PAK3: variants seen among roughly 807,000 people sequenced by gnomAD.
PAK3 encodes p21 (RAC1) activated kinase 3.
PAK3 carries 4 observed loss-of-function variants against 41.0 expected under a neutral mutation model. The observed-to-expected ratio is 0.10, with a 90% CI of 0.05 to 0.22. PAK3 has a LOEUF of 0.22. Among genes scored for constraint, PAK3 ranks in the 10% least tolerant of loss-of-function variants. PAK3 has a pLI of 1.00. For missense variants in PAK3, 205 were observed against 409.9 expected, an observed-to-expected ratio of 0.50 and a Z score of 4.32; for synonymous variants, 146 against 139.6, an observed-to-expected ratio of 1.05 and a Z score of -0.32.
chrX:110,962,685 C>A (rs1056478298), intron 1 of PAK3, among the ~76,000 whole-genome samples: 1 of 112,629 alleles, frequency 8.9e-6, no homozygotes, highest in African/African-American at 3.2e-5. Context: ...AGCCGCCAAG[C>A]CTCTAATTTA....
intron 1 of PAK3, among the ~76,000 whole-genome samples, chrX:110,966,737 G>A (rs2091090310): frequency 9.0e-6 from 1 of 111,133 alleles, no homozygotes; most frequent in Non-Finnish European, 1.9e-5. Context: ...AGACTGGAAG[G>A]AAGTATTCCA....
At chrX:111,155,939 C>T (rs2094102400) in intron 8 of PAK3, among the ~76,000 whole-genome samples, 1 of 111,981 alleles carries the variant, frequency 8.9e-6, no homozygotes. Flanking sequence ...CTAAATGGTA[C>T]TCCAAGGAAT....
chrX:111,055,965 T>C (rs190521673), intron 1 of PAK3, among the ~76,000 whole-genome samples: 96 of 111,448 alleles, frequency 8.6e-4, no homozygotes, highest in Admixed American at 1.4e-3. Context: ...TGCCCCTTTC[T>C]TCTTTCCCAT....
intron 1 of PAK3, among the ~76,000 whole-genome samples, chrX:111,006,356 G>A (rs1179161006): frequency 8.9e-6 from 1 of 111,760 alleles, no homozygotes; most frequent in Non-Finnish European, 1.9e-5. Context: ...ATGCACTAAA[G>A]TATCTAGCGG....
At chrX:111,094,065 A>G (rs958154070), upstream of PAK3, among the ~76,000 whole-genome samples, 10 of 110,652 alleles carry the variant, frequency 9.0e-5, no homozygotes, top group African/African-American at 3.3e-4. Context: ...GAAAAAAACC[A>G]GTGGGATGTG....
At chrX:111,043,011 A>C (rs999459248) in intron 1 of PAK3, among the ~76,000 whole-genome samples, 1 of 111,837 alleles carries the variant, frequency 8.9e-6, no homozygotes, top group African/African-American at 3.3e-5. Flanking sequence ...GCTGAAGGCC[A>C]GGGGTGGTGG....
intron 1 of PAK3, among the ~76,000 whole-genome samples, chrX:111,074,280 G>A (rs1002844566): frequency 1.8e-5 from 2 of 111,474 alleles, no homozygotes; most frequent in Non-Finnish European, 3.8e-5. Context: ...CTGTTGGGAG[G>A]TTATTGGATC....
At chrX:111,144,450 T>C (rs1296807612) in intron 6 of PAK3, among the ~76,000 whole-genome samples, 3 of 111,896 alleles carry the variant, frequency 2.7e-5, no homozygotes, top group Non-Finnish European at 5.7e-5. Flanking sequence ...ACTATATTAT[T>C]ATGTTTATTA....
intron 14 of PAK3, among the ~76,000 whole-genome samples, chrX:111,194,891 A>G (rs2094597002): frequency 1.8e-5 from 2 of 112,535 alleles, no homozygotes; most frequent in Admixed American, 9.4e-5. Flanking sequence ...TACAATCTGA[A>G]CTTCCCTTAC....
At chrX:110,991,507 A>C (rs1021712506) in intron 1 of PAK3, among the ~76,000 whole-genome samples, 2 of 111,765 alleles carry the variant, frequency 1.8e-5, no homozygotes, top group African/African-American at 6.5e-5. Context: ...AGTAGTGCCA[A>C]CTGAAAAGGG....
chrX:111,031,308 T>C (rs1262071934), intron 1 of PAK3, among the ~76,000 whole-genome samples: 1 of 111,181 alleles, frequency 9.0e-6, no homozygotes, highest in Non-Finnish European at 1.9e-5. Context: ...AGGCTTTGTA[T>C]GGGAAAGAGG....
rs768113829 is a variant in PAK3 at position 110,995,716 on chromosome X, C to A, written c.-28+51088C>A. ...TATTTCCTTCCCATGGCCTAGAAGACCCTGAATAATCTGGCTCCTGTGCAT... is the reference window on the plus strand; with the variant it reads ...TATTTCCTTCCCATGGCCTAGAAGAACCTGAATAATCTGGCTCCTGTGCAT... On this transcript the variant is annotated intron_variant, in intron 1 of 14. Transcript: ENST00000425146. Among the ~76,000 whole-genome samples the A allele has an allele frequency of 2.7e-5, 3 of 111,350 alleles. No individual in the cohort carries two copies. In the South Asian group the frequency reaches 1.1e-3, roughly 42 times the overall value.
intron 16 of PAK3, among the ~76,000 whole-genome samples, chrX:111,215,941 C>G (rs1396999060): frequency 8.9e-6 from 1 of 112,167 alleles, no homozygotes; most frequent in South Asian, 3.7e-4. Context: ...ATAATGTACT[C>G]TCTTCATTCC....
At chrX:111,179,133 A>G (rs1374012061) in intron 11 of PAK3, among the ~76,000 whole-genome samples, 1 of 108,602 alleles carries the variant, frequency 9.2e-6, no homozygotes, top group African/African-American at 3.3e-5. Context: ...CTACTCTCAT[A>G]TTTCACGAGT....
intron 3 of PAK3, among the ~76,000 whole-genome samples, chrX:111,097,922 G>T (rs941667933): frequency 1.8e-5 from 2 of 111,382 alleles, no homozygotes; most frequent in Non-Finnish European, 3.8e-5. Context: ...GAGGTAGCCT[G>T]GGCAAGAGCT....
chrX:111,084,622 G>A (rs1010593838), intron 1 of PAK3, among the ~76,000 whole-genome samples: 11 of 111,786 alleles, frequency 9.8e-5, no homozygotes, highest in Admixed American at 1.9e-4. Context: ...GATGTGGATG[G>A]ATGACACCCA....
chrX:111,122,056 C>T (rs1222596342), intron 4 of PAK3, among the ~76,000 whole-genome samples: 1 of 108,684 alleles, frequency 9.2e-6, no homozygotes, highest in Non-Finnish European at 1.9e-5. Context: ...AGATCAAGAC[C>T]ATTCTGGCTA....
intron 1 of PAK3, among the ~76,000 whole-genome samples, chrX:111,034,734 A>G (rs1248447870): frequency 1.8e-5 from 2 of 111,133 alleles, no homozygotes; most frequent in African/African-American, 6.6e-5. Flanking sequence ...CCTAAGTTCA[A>G]TTCCACCTCT....
chrX:111,139,003 C>A (rs1362341494), intron 5 of PAK3, among the ~76,000 whole-genome samples: 3 of 110,674 alleles, frequency 2.7e-5, no homozygotes, highest in African/African-American at 9.9e-5. Context: ...CACACACACA[C>A]ACACACAAAT....
Sources: allele counts gnomAD v4.1 joint callset (sites outside exome capture counted in the v4.1 genomes callset), GRCh38; gene constraint gnomAD v4.1.1; transcripts MANE v1.5; gene names NCBI Gene and HGNC (gene_info 2026-07-23, HGNC 2026-07-21).